The following ADGRL3 variants were observed in gnomAD, a reference collection of about 807,000 sequenced individuals.
ADGRL3 encodes the protein calcium-independent alpha-latrotoxin receptor 3.
ADGRL3 carries 62 observed loss-of-function variants against 153.5 expected under a neutral mutation model. The observed-to-expected ratio is 0.40, with a 90% CI of 0.33 to 0.50. The LOEUF (loss-of-function observed/expected upper bound fraction) is 0.50. Ranked by LOEUF, ADGRL3 falls within the 20% of genes least tolerant of loss-of-function variation. ADGRL3 has a pLI of 0.47. For synonymous variants in ADGRL3, 710 were observed against 672.5 expected, an observed-to-expected ratio of 1.06 and a Z score of -0.86; for missense variants, 1,641 against 1,859.4, an observed-to-expected ratio of 0.88 and a Z score of 2.16.
intron 8 of ADGRL3, among the ~76,000 whole-genome samples, chr4:61,771,787 T>C (rs74894380): frequency 7.1e-6 from 1 of 141,594 alleles, no homozygotes; most frequent in Non-Finnish European, 1.5e-5. Flanking sequence ...TCAATAAGCC[T>C]TTTATAGGCT....
intron 8 of ADGRL3, among the ~76,000 whole-genome samples, chr4:61,803,160 G>A (rs1391743193): frequency 1.3e-5 from 2 of 151,848 alleles, no homozygotes; most frequent in Non-Finnish European, 2.9e-5. Flanking sequence ...TTTTGTTTAA[G>A]CATAAAGTAA....
At chr4:61,903,555 A>G (rs1362032088) in intron 11 of ADGRL3, among the ~76,000 whole-genome samples, 1 of 148,202 alleles carries the variant, frequency 6.7e-6, no homozygotes, top group Non-Finnish European at 1.5e-5. Context: ...AGCCCTAGCT[A>G]CTTGGGAAGC....
chr4:61,373,063 G>A (rs1460961539), intron 1 of ADGRL3, among the ~76,000 whole-genome samples: 5 of 152,188 alleles, frequency 3.3e-5, no homozygotes, highest in Admixed American at 3.3e-4. Flanking sequence ...TCCCGAGTGA[G>A]GCAATGCCTC....
At chr4:61,936,186 C>A in intron 15 of ADGRL3, 141 bp downstream of exon 15, 1 of 868,542 alleles carries the variant, frequency 1.2e-6, no homozygotes, top group Non-Finnish European at 1.8e-6. Context: ...TCCTCCTCTT[C>A]CTCCTCTTTC....
At chr4:61,685,603 T>C (rs1310340187) in intron 6 of ADGRL3, among the ~76,000 whole-genome samples, 1 of 152,054 alleles carries the variant, frequency 6.6e-6, no homozygotes, top group East Asian at 1.9e-4. Flanking sequence ...CCAAGGATCT[T>C]GAGGTAGGGA....
chr4:61,955,729 C>T (rs1433100877), intron 17 of ADGRL3, among the ~76,000 whole-genome samples: 5 of 152,096 alleles, frequency 3.3e-5, no homozygotes, highest in African/African-American at 1.2e-4. Context: ...TTGTTCCCCT[C>T]CCTGTATCCA....
intron 2 of ADGRL3, among the ~76,000 whole-genome samples, chr4:61,414,309 G>A (rs1234490978): frequency 1.3e-5 from 2 of 152,132 alleles, no homozygotes; most frequent in Non-Finnish European, 2.9e-5. Flanking sequence ...AGTAAGCAAT[G>A]CTTCTCAAAC....
chr4:61,868,652 C>T (rs927282012), intron 9 of ADGRL3, among the ~76,000 whole-genome samples: 1 of 152,038 alleles, frequency 6.6e-6, no homozygotes, highest in Non-Finnish European at 1.5e-5. Context: ...CTTCTATATT[C>T]TCCAGCTAAA....
At chr4:61,705,165 A>G (rs898669395) in intron 6 of ADGRL3, among the ~76,000 whole-genome samples, 1 of 152,180 alleles carries the variant, frequency 6.6e-6, no homozygotes, top group African/African-American at 2.4e-5. Context: ...TCCATCAAAG[A>G]TATCACTATC....
intron 5 of ADGRL3, among the ~76,000 whole-genome samples, chr4:61,630,640 C>G (rs1047585644): frequency 1.3e-5 from 2 of 152,194 alleles, no homozygotes; most frequent in Admixed American, 1.3e-4. Flanking sequence ...TCATAGTCAT[C>G]ATGTTTACAT....
intron 23 of ADGRL3, among the ~76,000 whole-genome samples, chr4:62,033,235 G>T (rs1723122891): frequency 6.6e-6 from 1 of 151,588 alleles, no homozygotes; most frequent in Non-Finnish European, 1.5e-5. Context: ...GTTTGAAAGT[G>T]GTTCACATGG....
At chr4:61,994,646 A>G (rs2099115556) in intron 19 of ADGRL3, among the ~76,000 whole-genome samples, 1 of 152,118 alleles carries the variant, frequency 6.6e-6, no homozygotes, top group South Asian at 2.1e-4. Context: ...ATTTGCTGTC[A>G]GTAATTACTA....
chr4:61,644,790 G>A (rs540743010), intron 5 of ADGRL3, among the ~76,000 whole-genome samples: 1 of 152,294 alleles, frequency 6.6e-6, no homozygotes, highest in South Asian at 2.1e-4. Context: ...TTCTGGAGAT[G>A]TCTATTATGT....
intron 9 of ADGRL3, among the ~76,000 whole-genome samples, chr4:61,822,182 A>C (rs2097762163): frequency 1.3e-5 from 2 of 152,332 alleles, no homozygotes; most frequent in Admixed American, 1.3e-4. Flanking sequence ...CTTTGATTGC[A>C]TTAAATTAAA....
chr4:61,334,935 A>G (rs985941420), intron 1 of ADGRL3, among the ~76,000 whole-genome samples: 1 of 152,074 alleles, frequency 6.6e-6, no homozygotes, highest in Non-Finnish European at 1.5e-5. Context: ...AATTTTACCA[A>G]AATTTATGTT....
intron 1 of ADGRL3, among the ~76,000 whole-genome samples, chr4:61,311,040 T>C (rs1284494627): frequency 6.7e-6 from 1 of 149,194 alleles, no homozygotes; most frequent in Non-Finnish European, 1.5e-5. Context: ...AAATTTCAAC[T>C]CTAGGAAAAA....
intron 1 of ADGRL3, among the ~76,000 whole-genome samples, chr4:61,331,577 T>A (rs75085994): frequency 6.6e-6 from 1 of 152,168 alleles, no homozygotes; most frequent in Non-Finnish European, 1.5e-5. Context: ...ATTGATACTT[T>A]GTCTGTCATT....
chr4:61,745,236 G>T (rs1179203956), intron 8 of ADGRL3, among the ~76,000 whole-genome samples: 1 of 152,166 alleles, frequency 6.6e-6, no homozygotes, highest in African/African-American at 2.4e-5. Context: ...CGTCTGATTG[G>T]TGTACCTGAA....
intron 3 of ADGRL3, among the ~76,000 whole-genome samples, chr4:61,503,378 A>G (rs1343355119): frequency 3.3e-5 from 5 of 151,890 alleles, no homozygotes; most frequent in Non-Finnish European, 7.4e-5. Flanking sequence ...CCTATTTTTT[A>G]TATTTCTTTG....
Sources: allele counts gnomAD v4.1 joint callset (sites outside exome capture counted in the v4.1 genomes callset), GRCh38; gene constraint gnomAD v4.1.1; transcripts MANE v1.5; gene names NCBI Gene and HGNC (gene_info 2026-07-23, HGNC 2026-07-21).